DYNC1H1: variants seen among roughly 807,000 people sequenced by gnomAD.
DYNC1H1 encodes the protein cytoplasmic dynein 1 heavy chain 1.
DYNC1H1 carries 51 observed loss-of-function variants against 527.1 expected under a neutral mutation model. The observed-to-expected ratio is 0.10, with a 90% CI of 0.08 to 0.12. The LOEUF is 0.12. Among genes scored for constraint, DYNC1H1 ranks in the 10% least tolerant of loss-of-function variants. The pLI is 1.00. For synonymous variants in DYNC1H1, 2,189 were observed against 2,278.8 expected, an observed-to-expected ratio of 0.96 and a Z score of 1.12; for missense variants, 2,771 against 5,971.8, an observed-to-expected ratio of 0.46 and a Z score of 17.66.
chr14:102,039,745 ACGC>A lies in DYNC1H1; in HGVS notation c.11690+15_11690+17del. The A allele has an allele frequency of 6.2e-7, 1 of 1,614,068 alleles. No homozygotes were observed. The highest frequency in any genetic ancestry group is 8.5e-7 in the Non-Finnish European group (1 of 1,180,000). ...AGGGCACCGTGGGGTAAGAGCACTC[ACGC>A]CCACAGGAGGATGCCATATTGCTGG... On this transcript the variant is annotated intron_variant, in intron 62 of 77. Transcript: ENST00000360184. The surrounding 1 kb of genome is among the most constrained non-coding windows in gnomAD (Gnocchi z 7.0).
chr14:101,982,926 A>C, intron 5 of DYNC1H1, 93 bp from the exon 6 acceptor site: 1 of 1,455,320 alleles, frequency 6.9e-7, no homozygotes, highest in African/African-American at 1.4e-5. Flanking sequence ...GATATTTTGC[A>C]ACATCAAAAT....
In DYNC1H1 at chr14:102,045,789, G is replaced by C. The variant is rs1595634420; in HGVS notation, c.13006+1091G>C. On this transcript the variant is annotated intron_variant, in intron 72 of 77. Transcript: ENST00000360184. ...TTCAAGTGCTGTGAGCCAGAAGGGA[G>C]CTAAGAAATTCTCTAAGCCAGTGGC... Among the ~76,000 whole-genome samples, 3 of 152,206 alleles carry C rather than the reference G, an allele frequency of 2.0e-5. No individual in the cohort carries two copies. In the South Asian group the frequency reaches 6.2e-4, roughly 32 times the overall value.
At chr14:102,028,327 C>T (rs2048473303) in intron 48 of DYNC1H1, 186 bp downstream of exon 48, 1 of 630,404 alleles carries the variant, frequency 1.6e-6, no homozygotes, top group Non-Finnish European at 2.8e-6. Flanking sequence ...GCCTGGGCAA[C>T]ATGGCGAGAC....
chr14:101,984,448 A>ATTTTTTTTTTTTTTTT (rs1224932045), intron 7 of DYNC1H1, among the ~76,000 whole-genome samples: 2 of 89,132 alleles, frequency 2.2e-5, no homozygotes, highest in Non-Finnish European at 4.2e-5. Context: ...TATATATATT[A>ATTTTTTTTTTTTTTTT]TATTTTTTTT....
intron 52 of DYNC1H1, 77 bp downstream of exon 52, chr14:102,032,544 C>T: frequency 6.3e-7 from 1 of 1,578,384 alleles, no homozygotes; most frequent in Non-Finnish European, 8.7e-7. Flanking sequence ...GCTCACGCCT[C>T]CAATCCCAGA....
At position 101,991,832 on chromosome 14, in the gene DYNC1H1, CT is replaced by C. The variant is rs1199995890; in HGVS notation, c.3015+166del. 4.6e-5 allele frequency among the ~76,000 whole-genome samples: 7 copies of C among 152,270 alleles called. No individual in the cohort carries two copies. The East Asian group carries it at 1.2e-3, about 25-fold the overall frequency. On this transcript the variant is annotated intron_variant, in intron 11 of 77. Coordinates refer to ENST00000360184, the MANE Select transcript of DYNC1H1 (RefSeq NM_001376.5). ...TTAGGGAGGCTTTTTGTGCCCTGAC[CT>C]TTTTTTCCAACTAGTTACTTGGCAT... is the stretch of plus-strand genomic sequence containing the variant.
intron 27 of DYNC1H1, among the ~76,000 whole-genome samples, chr14:102,006,709 C>T (rs1346539369): frequency 6.6e-6 from 1 of 152,016 alleles, no homozygotes; most frequent in Non-Finnish European, 1.5e-5. Flanking sequence ...CAAGCGATCT[C>T]CTGCCTCAGT....
chr14:102,047,663 AT>A, intron 72 of DYNC1H1, 153 bp from the exon 73 acceptor site: 1 of 596,188 alleles, frequency 1.7e-6, no homozygotes, highest in Non-Finnish European at 3.0e-6. Context: ...ATATATATAT[AT>A]GTACACACGG....
At position 101,997,390 on chromosome 14, in the gene DYNC1H1, T is replaced by G; in HGVS notation, c.3804+116T>G. 3.3e-6 allele frequency: 5 copies of G among 1,532,748 alleles called. No homozygotes were observed. The highest frequency in any genetic ancestry group is 4.4e-6 in the Non-Finnish European group (5 of 1,133,744). 94.9% of individuals were successfully genotyped at this position (1,532,748 alleles called of 1,614,324 possible). On this transcript the variant is annotated intron_variant, in intron 16 of 77. Transcript: ENST00000360184. This position sits in a 1 kb window ranked among gnomAD's most constrained non-coding sequence, Gnocchi z 4.8. The stretch of plus-strand genomic sequence containing the variant: ...CTGAGCTTTCTAGTATTGAAGACTC[T>G]TTTCCTTTTTGTAGTTAAAAAAGCA...
intron 64 of DYNC1H1, 30 bp downstream of exon 64, chr14:102,040,703 C>A (rs1224953508): frequency 5.6e-6 from 9 of 1,613,324 alleles, no homozygotes; most frequent in Non-Finnish European, 7.6e-6. Flanking sequence ...TCTTTCTGGA[C>A]CTGAATGTAA....
rs891056444 is a variant in DYNC1H1, at chr14:102,033,644, A to C, written c.10413+160A>C. 2 of 880,328 alleles carry C rather than the reference A, an allele frequency of 2.3e-6. No homozygotes were observed. Among genetic ancestry groups the C allele is most frequent in the African/African-American group, 3.3e-5 (2 of 60,192 alleles). 54.5% of individuals were successfully genotyped at this position (880,328 alleles called of 1,614,324 possible). On this transcript the variant is annotated intron_variant, in intron 54 of 77. Transcript: ENST00000360184. This position sits in a 1 kb window ranked among gnomAD's most constrained non-coding sequence, Gnocchi z 5.6. ...TTTTCCTGGAAAATAATACACACTG[A>C]GTAGTCACTAAGTGTTGTTAATTAG... is the stretch of plus-strand genomic sequence containing the variant.
rs1014326686 is a variant in DYNC1H1, at chr14:102,032,642, A to G, written c.10079+175A>G. On this transcript the variant is annotated intron_variant, in intron 52 of 77. Transcript: ENST00000360184. ...TGAGGCAGGTGAAGTGCTTGAGCCT[A>G]GGAGTTAGAGACCAACCTGGGCTAC... 1.8e-5 allele frequency: 15 copies of G among 827,312 alleles called. No individual in the cohort carries two copies. The Admixed American group carries it at 1.9e-4, about 10-fold the overall frequency. The allele number at this position is 827,312 out of a possible 1,614,324, so 51.2% of individuals were successfully genotyped here.
Position 102,032,476 on chromosome 14 carries a change from G to A in DYNC1H1, c.10079+9G>A. The A allele has an allele frequency of 6.2e-7, 1 of 1,614,110 alleles. No homozygotes were observed. The highest frequency in any genetic ancestry group is 1.1e-5 in the South Asian group (1 of 91,090). On this transcript the variant is annotated intron_variant, in intron 52 of 77. Transcript: ENST00000360184. Reference sequence around the variant, plus strand: ...TCTGCAGAGGAGATCAGGTGAGAAAGTGGAAGTGCCAAGGTATTGCCAGAA... The same window carrying A: ...TCTGCAGAGGAGATCAGGTGAGAAAATGGAAGTGCCAAGGTATTGCCAGAA...
intron 51 of DYNC1H1, 111 bp from the exon 52 acceptor site, chr14:102,032,161 G>A (rs993607365): frequency 7.6e-7 from 1 of 1,316,962 alleles, no homozygotes; most frequent in Admixed American, 1.7e-5. Flanking sequence ...GCAGCTAGCT[G>A]TCCTTTCTCT....
chr14:101,984,932 CAAAAAAAAAAAA>C (rs773102943), intron 7 of DYNC1H1, among the ~76,000 whole-genome samples: 10 of 40,158 alleles, frequency 2.5e-4, no homozygotes, highest in African/African-American at 3.5e-4. Flanking sequence ...GGCTCCGTCT[CAAAAAAAAAAAA>C]AAAAAAAAAA....
chr14:102,014,459 G>A (rs373552103), intron 34 of DYNC1H1, among the ~76,000 whole-genome samples: 3 of 151,854 alleles, frequency 2.0e-5, no homozygotes, highest in South Asian at 2.1e-4. Context: ...GCTTGAACCC[G>A]GGAGGCATTG....
In DYNC1H1 at chr14:102,047,781, C is replaced by T. The variant is rs765427107; in HGVS notation, c.13007-36C>T. 5.6e-6 allele frequency: 9 copies of T among 1,611,522 alleles called. No individual in the cohort carries two copies. The South Asian group carries it at 8.8e-5, about 16-fold the overall frequency. Reference sequence around the variant, plus strand: ...TCTGTGATTTCTTGCCCGTCCCCTCCCTCCTTCCTGCTGCGACTGTGGGAC... The same window carrying T: ...TCTGTGATTTCTTGCCCGTCCCCTCTCTCCTTCCTGCTGCGACTGTGGGAC... On this transcript the variant is annotated intron_variant, in intron 72 of 77. Transcript: ENST00000360184.
Position 102,044,977 on chromosome 14 carries a change from G to T in DYNC1H1, c.13006+279G>T. 2.0e-6 allele frequency: 1 copy of T among 501,056 alleles called. No individual in the cohort carries two copies. The highest frequency in any genetic ancestry group is 3.6e-6 in the Non-Finnish European group (1 of 274,342). 31.0% of individuals were successfully genotyped at this position (501,056 alleles called of 1,614,324 possible). A position where few individuals can be genotyped will look rare whatever the true frequency, so the allele number is the denominator to read the frequency against. On this transcript the variant is annotated intron_variant, in intron 72 of 77. Coordinates refer to ENST00000360184, the MANE Select transcript of DYNC1H1 (RefSeq NM_001376.5). This position sits in a 1 kb window ranked among gnomAD's most constrained non-coding sequence, Gnocchi z 7.1. ...CTTGATATTTATGTAAATGAGCCTA[G>T]AAATAACATTTAGATGTTCATCTCA... is the stretch of plus-strand genomic sequence containing the variant.
chr14:101,973,882 A>G (rs1444661861), intron 1 of DYNC1H1, among the ~76,000 whole-genome samples: 1 of 152,216 alleles, frequency 6.6e-6, no homozygotes, highest in Non-Finnish European at 1.5e-5. Flanking sequence ...AAGGAAGCAA[A>G]TAGCTTTTGC....
Sources: allele counts gnomAD v4.1 joint callset (sites outside exome capture counted in the v4.1 genomes callset), GRCh38; gene constraint gnomAD v4.1.1; non-coding constraint Gnocchi (gnomAD v3.1); transcripts MANE v1.5; gene names NCBI Gene and HGNC (gene_info 2026-07-23, HGNC 2026-07-21).